Variants in TRIM9 observed in about 807,000 individuals in gnomAD.
The protein encoded by TRIM9 is tripartite motif containing 9.
A neutral mutation model predicts 78.3 loss-of-function variants in TRIM9; 26 were observed. The observed-to-expected ratio is 0.33, with a 90% CI of 0.24 to 0.46. TRIM9 has a LOEUF of 0.46. Among genes scored for constraint, TRIM9 ranks in the 20% least tolerant of loss-of-function variants. The pLI is 1.00. For synonymous variants in TRIM9, 398 were observed against 416.5 expected, an observed-to-expected ratio of 0.96 and a Z score of 0.54; for missense variants, 787 against 1,036.4, an observed-to-expected ratio of 0.76 and a Z score of 3.30.
At position 51,015,505 on chromosome 14, in the gene TRIM9, C is replaced by CTTTTTTTTTTTTTT. The variant is rs369652663; in HGVS notation, c.1042-5025_1042-5012dup. 1.3e-3 allele frequency among the ~76,000 whole-genome samples: 80 copies of CTTTTTTTTTTTTTT among 61,330 alleles called. 5 individuals carry two copies. Among genetic ancestry groups the CTTTTTTTTTTTTTT allele is most frequent in the African/African-American group, 1.9e-3 (28 of 14,668 alleles). The allele number at this position is 61,330 out of a possible 152,430, so 40.2% of individuals were successfully genotyped here. ...AATGCTTTTTTCTTTCTTTACTTTT[C>CTTTTTTTTTTTTTT]TTTTTTTTTTTTTTTTTTTTTTTTT... On this transcript the variant is annotated intron_variant, in intron 3 of 12. Transcript: ENST00000684578.
intron 1 of TRIM9, among the ~76,000 whole-genome samples, chr14:51,082,802 A>G (rs2063420204): frequency 6.6e-6 from 1 of 152,240 alleles, no homozygotes; most frequent in African/African-American, 2.4e-5. Flanking sequence ...TTGTTCCCAT[A>G]TAAGAGCAAG....
At chr14:51,049,211 G>A (rs1424339310) in intron 1 of TRIM9, among the ~76,000 whole-genome samples, 6 of 152,058 alleles carry the variant, frequency 3.9e-5, no homozygotes, top group Admixed American at 1.3e-4. Flanking sequence ...ACAGGCATGC[G>A]CCATCACACC....
chr14:51,077,177 C>T (rs1450893630), intron 1 of TRIM9, among the ~76,000 whole-genome samples: 1 of 152,128 alleles, frequency 6.6e-6, no homozygotes, highest in Non-Finnish European at 1.5e-5. Context: ...TCATCCTTTG[C>T]AGTTGGCCAA....
intron 1 of TRIM9, among the ~76,000 whole-genome samples, chr14:51,026,584 C>G (rs1156318012): frequency 6.6e-5 from 10 of 152,146 alleles, no homozygotes. Context: ...CACAATGATT[C>G]ATCTACCCTT....
intron 2 of TRIM9, 120 bp from the exon 3 acceptor site, chr14:51,023,077 T>G: frequency 7.5e-7 from 1 of 1,342,098 alleles, no homozygotes; most frequent in South Asian, 1.4e-5. Context: ...CAATGCACAT[T>G]TGGTAATTTT....
At position 51,066,103 on chromosome 14, in the gene TRIM9, C is replaced by G. The variant is rs959021686; in HGVS notation, c.822+28015G>C. Among the ~76,000 whole-genome samples the G allele has an allele frequency of 9.5e-3, 157 of 16,482 alleles. 1 individual carries two copies. The highest frequency in any genetic ancestry group is 0.071 in the Middle Eastern group (2 of 28). 10.8% of individuals were successfully genotyped at this position (16,482 alleles called of 152,430 possible). A position where few individuals can be genotyped will look rare whatever the true frequency, so the allele number is the denominator to read the frequency against. On this transcript the variant is annotated intron_variant, in intron 1 of 12. Transcript: ENST00000684578. ...AAGGAAGGAAGGAGGGAGGGAGGGA[C>G]GGAGGGAGGGAGGGAGGGGAGGGGA...
intron 1 of TRIM9, among the ~76,000 whole-genome samples, chr14:51,052,799 G>A (rs184316375): frequency 1.1e-4 from 16 of 152,250 alleles, no homozygotes; most frequent in Admixed American, 9.8e-4. Context: ...GAGTTTGGTA[G>A]GTCTCCTCAC....
chr14:51,094,621 G>C lies in TRIM9; in HGVS notation c.319C>G (p.Pro107Ala). 1 of 1,607,920 alleles carries C rather than the reference G, an allele frequency of 6.2e-7. No homozygotes were observed. Among genetic ancestry groups the C allele is most frequent in the Non-Finnish European group, 8.5e-7 (1 of 1,176,334 alleles). The change falls in exon 1 of 13, where the codon CCG (proline) becomes GCG (alanine). Residue 107 changes from proline (P) to alanine (A), a missense_variant. Coordinates refer to ENST00000684578, the MANE Select transcript of TRIM9 (RefSeq NM_001387360.1). ...GGTGACAAGTGGGTGGCCGGTGGCG[G>C]CATAGCCGGGGGAAACACGCGGACG... is the stretch of plus-strand genomic sequence containing the variant. Reference protein sequence around the residue: ...NGVRVFPPAMPPPATHLSPAL... With the variant: ...NGVRVFPPAMAPPATHLSPAL...
intron 5 of TRIM9, among the ~76,000 whole-genome samples, chr14:51,006,193 C>T (rs1165258862): frequency 2.0e-5 from 3 of 152,164 alleles, no homozygotes; most frequent in African/African-American, 7.2e-5. Flanking sequence ...CTCCTGTAAT[C>T]AACTTAGCAC....
Position 51,094,585 on chromosome 14 carries a change from G to A in TRIM9, c.355C>T (p.Pro119Ser). Residue 119 changes from proline (P) to serine (S), a missense_variant, in exon 1 of 13, where the codon CCG (proline) becomes TCG (serine). By Grantham distance (74) the Pro-to-Ser change is moderately conservative (BLOSUM62 -1). This residue lies in a region of TRIM9 where 352 missense variants were observed against 472.3 expected (regional missense o/e 0.75). Coordinates refer to ENST00000684578, the MANE Select transcript of TRIM9 (RefSeq NM_001387360.1). ...PATHLSPALA[P>S]VPRNSCITCP... ...GTGATACAGGAGTTGCGGGGCACCGGGGCCAGGGCCGGTGACAAGTGGGTG... is the reference window on the plus strand; with the variant it reads ...GTGATACAGGAGTTGCGGGGCACCGAGGCCAGGGCCGGTGACAAGTGGGTG... The A allele has an allele frequency of 6.2e-7, 1 of 1,611,376 alleles. No homozygotes were observed. The highest frequency in any genetic ancestry group is 8.5e-7 in the Non-Finnish European group (1 of 1,178,904).
At chr14:50,977,449 C>T in intron 12 of TRIM9, 96 bp from the exon 13 acceptor site, 1 of 956,468 alleles carries the variant, frequency 1.0e-6, no homozygotes. Context: ...AAAAAGTGTT[C>T]TGTTTGCTTC....
intron 1 of TRIM9, among the ~76,000 whole-genome samples, chr14:51,063,093 A>G (rs2061474799): frequency 6.6e-6 from 1 of 152,206 alleles, no homozygotes; most frequent in African/African-American, 2.4e-5. Flanking sequence ...AAGATGTTCA[A>G]TGACTTAAAG....
At chr14:51,084,274 G>A (rs1423023544) in intron 1 of TRIM9, among the ~76,000 whole-genome samples, 1 of 152,090 alleles carries the variant, frequency 6.6e-6, no homozygotes, top group East Asian at 1.9e-4. Context: ...CGAGCTTGGT[G>A]AGGCCAGTCT....
At chr14:51,078,700 G>A (rs1377547334) in intron 1 of TRIM9, among the ~76,000 whole-genome samples, 1 of 152,122 alleles carries the variant, frequency 6.6e-6, no homozygotes, top group Non-Finnish European at 1.5e-5. Context: ...ATCTAAAAAA[G>A]CCTAATATAC....
chr14:51,025,141 A>G, intron 2 of TRIM9, 124 bp downstream of exon 2: 1 of 865,442 alleles, frequency 1.2e-6, no homozygotes. Context: ...GTAAAGAACA[A>G]CAACAACCAC....
At chr14:51,024,976 T>C (rs1258282140) in intron 2 of TRIM9, among the ~76,000 whole-genome samples, 2 of 152,152 alleles carry the variant, frequency 1.3e-5, no homozygotes, top group Non-Finnish European at 2.9e-5. Flanking sequence ...TACAAAAAAA[T>C]AGGCCTCTTT....
At chr14:50,988,567 A>G (rs1481434411) in intron 7 of TRIM9, among the ~76,000 whole-genome samples, 1 of 133,146 alleles carries the variant, frequency 7.5e-6, no homozygotes. Flanking sequence ...ATACTGTACA[A>G]CCATTTCTTT....
In TRIM9 at chr14:51,094,667, C is replaced by T. The variant is rs866085749; in HGVS notation, c.273G>A (p.Pro91=). Residue 91 remains proline (P), a synonymous_variant, in exon 1 of 13, where the codon CCG becomes CCA. Coordinates refer to ENST00000684578, the MANE Select transcript of TRIM9 (RefSeq NM_001387360.1). ...YGGFASAPTT[P]CQKSPNGVRV... is the part of the protein sequence containing the mutation. ...GGACGCCGTTGGGGGACTTCTGGCACGGGGTAGTGGGGGCGCTGGCGAACC... is the reference window on the plus strand; with the variant it reads ...GGACGCCGTTGGGGGACTTCTGGCATGGGGTAGTGGGGGCGCTGGCGAACC... The T allele has an allele frequency of 6.3e-7, 1 of 1,593,460 alleles. No homozygotes were observed. The highest frequency in any genetic ancestry group is 8.6e-7 in the Non-Finnish European group (1 of 1,168,810).
At chr14:51,020,393 C>T (rs1040952906) in intron 3 of TRIM9, among the ~76,000 whole-genome samples, 3 of 152,078 alleles carry the variant, frequency 2.0e-5, no homozygotes, top group Non-Finnish European at 4.4e-5. Flanking sequence ...ACAAATCATT[C>T]GAGATAGAAG....
Sources: gnomAD v4.1 joint callset for allele counts (sites outside exome capture counted in the v4.1 genomes callset) on GRCh38, gnomAD v4.1.1 for gene constraint, gnomAD v4.1.1 regional missense constraint, MANE v1.5 for transcripts, NCBI Gene and HGNC (gene_info 2026-07-23, HGNC 2026-07-21) for gene names.